Variants in SDHAF3 observed in about 807,000 individuals in gnomAD.
SDHAF3 encodes the protein succinate dehydrogenase assembly factor 3, mitochondrial.
Under a neutral mutation model 11.5 loss-of-function variants are expected in SDHAF3, and 18 were observed. The observed-to-expected ratio is 1.56, with a 90% CI of 1.08 to 2.32. The LOEUF is 2.32. Ranked by LOEUF, SDHAF3 falls within the 30% of genes most tolerant of loss-of-function variation. The pLI is 0.00. For synonymous variants in SDHAF3, 72 were observed against 59.3 expected (o/e 1.21, Z -0.99); for missense variants, 200 against 154.4 (o/e 1.30, Z -1.57).
intron 1 of SDHAF3, among the ~76,000 whole-genome samples, chr7:97,159,126 ATAAT>A (rs1433970938): frequency 6.6e-6 from 1 of 152,238 alleles, no homozygotes; most frequent in Non-Finnish European, 1.5e-5. Context: ...TATTATTCAC[ATAAT>A]TAGTGCCAGC....
At chr7:97,176,382 AAC>A (rs1789680090) in intron 1 of SDHAF3, among the ~76,000 whole-genome samples, 1 of 152,226 alleles carries the variant, frequency 6.6e-6, no homozygotes, top group African/African-American at 2.4e-5. Context: ...AAGCCAGCAT[AAC>A]AGTTTGAAAC....
At chr7:97,151,207 A>G (rs1319407438) in intron 1 of SDHAF3, among the ~76,000 whole-genome samples, 1 of 152,194 alleles carries the variant, frequency 6.6e-6, no homozygotes, top group African/African-American at 2.4e-5. Context: ...GAAAGCAGAC[A>G]GATTAATAGG....
At chr7:97,129,260 T>G (rs2115631555) in intron 1 of SDHAF3, among the ~76,000 whole-genome samples, 1 of 152,344 alleles carries the variant, frequency 6.6e-6, no homozygotes, top group Non-Finnish European at 1.5e-5. Flanking sequence ...CTGTATTTGC[T>G]TCCTGCTCCT....
chr7:97,134,359 AT>A (rs1791715527), intron 1 of SDHAF3, among the ~76,000 whole-genome samples: 1 of 152,224 alleles, frequency 6.6e-6, no homozygotes, highest in African/African-American at 2.4e-5. Flanking sequence ...TTACTGGTGA[AT>A]AACCAGAATG....
intron 1 of SDHAF3, among the ~76,000 whole-genome samples, chr7:97,165,584 T>C (rs1030968666): frequency 1.3e-5 from 2 of 152,180 alleles, no homozygotes; most frequent in African/African-American, 4.8e-5. Flanking sequence ...CAAATAATCA[T>C]GTTTATACTA....
In SDHAF3 at chr7:97,158,492, A is replaced by G. The variant is rs142099224; in HGVS notation, c.175-22520A>G. On this transcript the variant is annotated intron_variant, in intron 1 of 1. Coordinates refer to ENST00000432641, the MANE Select transcript of SDHAF3 (RefSeq NM_020186.3). The stretch of plus-strand genomic sequence containing the variant: ...ACAGGTGCCTGCCACCACGCTAGCT[A>G]ATTTTTGTATTTTTAATAGAGACGG... Among the ~76,000 whole-genome samples the G allele has an allele frequency of 7.2e-3, 1,096 of 152,030 alleles. 14 individuals are homozygous for G. The highest frequency in any genetic ancestry group is 0.025 in the African/African-American group (1,019 of 41,484).
At chr7:97,180,159 T>C (rs2115759864) in intron 1 of SDHAF3, among the ~76,000 whole-genome samples, 1 of 152,306 alleles carries the variant, frequency 6.6e-6, no homozygotes, top group South Asian at 2.1e-4. Flanking sequence ...TTGACACAGA[T>C]GGTTGTTAAA....
At chr7:97,172,142 C>T (rs1211010026) in intron 1 of SDHAF3, among the ~76,000 whole-genome samples, 1 of 152,022 alleles carries the variant, frequency 6.6e-6, no homozygotes, top group Non-Finnish European at 1.5e-5. Flanking sequence ...TCCTTTCAGC[C>T]TCTGTTTAAA....
Position 97,181,371 on chromosome 7 carries a change from C to A in SDHAF3, c.*156C>A. 2 of 535,554 alleles carry A rather than the reference C, an allele frequency of 3.7e-6. No individual in the cohort carries two copies. The highest frequency in any genetic ancestry group is 6.4e-6 in the Non-Finnish European group (2 of 312,146). 33.2% of individuals were successfully genotyped at this position (535,554 alleles called of 1,614,324 possible). A position where few individuals can be genotyped will look rare whatever the true frequency, so the allele number is the denominator to read the frequency against. ...ATGATTGCAGTATATGGATCAAGAT[C>A]ACTAGTGACAATTGAAAAAAACTAT... is the stretch of plus-strand genomic sequence containing the variant. On this transcript the variant is annotated 3_prime_UTR_variant, in exon 2 of 2. Transcript: ENST00000432641.
At chr7:97,167,249 GAT>G (rs1264692400) in intron 1 of SDHAF3, among the ~76,000 whole-genome samples, 1 of 151,926 alleles carries the variant, frequency 6.6e-6, no homozygotes, top group East Asian at 1.9e-4. Flanking sequence ...CACAAGATCT[GAT>G]GGTTTAAAAG....
intron 1 of SDHAF3, among the ~76,000 whole-genome samples, chr7:97,161,853 G>A (rs1789416772): frequency 6.6e-6 from 1 of 152,138 alleles, no homozygotes; most frequent in Non-Finnish European, 1.5e-5. Context: ...ATTTGGGTTG[G>A]TTCCAAGTCT....
At chr7:97,131,161 A>G (rs975982917) in intron 1 of SDHAF3, among the ~76,000 whole-genome samples, 3 of 152,264 alleles carry the variant, frequency 2.0e-5, no homozygotes, top group Non-Finnish European at 2.9e-5. Flanking sequence ...CCAAAAAACT[A>G]TTAAACTTTT....
intron 1 of SDHAF3, among the ~76,000 whole-genome samples, chr7:97,174,184 G>A (rs1789647077): frequency 1.3e-5 from 2 of 152,262 alleles, no homozygotes; most frequent in South Asian, 4.1e-4. Flanking sequence ...TTCCCAAAAT[G>A]CTGGGATTAC....
chr7:97,127,311 C>T (rs576714831), intron 1 of SDHAF3, among the ~76,000 whole-genome samples: 14 of 152,318 alleles, frequency 9.2e-5, no homozygotes, highest in African/African-American at 2.6e-4. Context: ...GCAATGATCC[C>T]GGTATCACGG....
At chr7:97,130,028 A>G (rs993614662) in intron 1 of SDHAF3, among the ~76,000 whole-genome samples, 1 of 152,166 alleles carries the variant, frequency 6.6e-6, no homozygotes, top group Non-Finnish European at 1.5e-5. Context: ...AGGAGAAGGC[A>G]GTGGAGCCCG....
intron 1 of SDHAF3, among the ~76,000 whole-genome samples, chr7:97,131,449 T>A (rs1429127831): frequency 6.6e-6 from 1 of 152,240 alleles, no homozygotes; most frequent in Non-Finnish European, 1.5e-5. Context: ...AGAATGGAAA[T>A]TGCTGGGCTG....
intron 1 of SDHAF3, among the ~76,000 whole-genome samples, chr7:97,141,006 AAG>A (rs1242979029): frequency 1.3e-5 from 2 of 152,260 alleles, no homozygotes; most frequent in Non-Finnish European, 2.9e-5. Flanking sequence ...ATCCCTGAGA[AAG>A]AGAATGCATC....
intron 1 of SDHAF3, among the ~76,000 whole-genome samples, chr7:97,160,032 C>A (rs1214114458): frequency 6.6e-6 from 1 of 152,158 alleles, no homozygotes; most frequent in Non-Finnish European, 1.5e-5. Context: ...CAATGGCCAC[C>A]CTTCGTCTGG....
chr7:97,172,777 G>A (rs1466113069), intron 1 of SDHAF3, among the ~76,000 whole-genome samples: 1 of 152,052 alleles, frequency 6.6e-6, no homozygotes, highest in African/African-American at 2.4e-5. Context: ...AAATGATTTT[G>A]GTATGTCTTA....
Sources: gnomAD v4.1 joint callset for allele counts (sites outside exome capture counted in the v4.1 genomes callset) on GRCh38, gnomAD v4.1.1 for gene constraint, MANE v1.5 for transcripts, NCBI Gene and HGNC (gene_info 2026-07-23, HGNC 2026-07-21) for gene names.